The following CCNG1 variants were observed in gnomAD, a reference collection of about 807,000 sequenced individuals.
CCNG1 encodes cyclin-G1.
A neutral mutation model predicts 30.0 loss-of-function variants in CCNG1; 13 were observed. The ratio of observed to expected loss-of-function variants is 0.43; its 90% CI spans 0.28 to 0.69. The LOEUF (loss-of-function observed/expected upper bound fraction) is 0.69, where lower values mean the gene tolerates loss of function less well. CCNG1 is among the 30% of genes least tolerant of loss of function. CCNG1 has a pLI of 0.16. For synonymous variants in CCNG1, 110 were observed against 121.5 expected, an observed-to-expected ratio of 0.91 and a Z score of 0.62; for missense variants, 285 against 331.4, an observed-to-expected ratio of 0.86 and a Z score of 1.09.
At chr5:163,455,532 G>C in the CCNG1 span, among the ~76,000 whole-genome samples, 1 of 152,216 alleles carries the variant, frequency 6.6e-6, no homozygotes, top group Non-Finnish European at 1.5e-5. Context: ...GGGAGGCCAA[G>C]GCGGGCGGAT....
chr5:163,442,959 T>C (rs1291848404), intron 6 of CCNG1, among the ~76,000 whole-genome samples: 4 of 152,094 alleles, frequency 2.6e-5, no homozygotes, highest in Non-Finnish European at 1.5e-5. Context: ...TATGAACTAA[T>C]TTGAGACTGT....
At chr5:163,449,117 T>A (rs184759152), downstream of CCNG1, 6 of 151,936 alleles carry the variant, frequency 3.9e-5, no homozygotes, top group Admixed American at 3.9e-4. Context: ...CTAAAAAGAA[T>A]AAAATAAAAC....
the CCNG1 span, among the ~76,000 whole-genome samples, chr5:163,454,793 T>C: frequency 2.6e-5 from 4 of 152,232 alleles, no homozygotes; most frequent in Non-Finnish European, 4.4e-5. Flanking sequence ...CAACAAACAT[T>C]TGTTGAGCTC....
intron 2 of CCNG1, 62 bp downstream of exon 2, chr5:163,439,582 C>T: frequency 2.0e-6 from 3 of 1,464,896 alleles, no homozygotes; most frequent in Admixed American, 2.0e-5. Context: ...GAATTGTTAC[C>T]TTTTGGCTGG....
At chr5:163,449,801 C>G (rs773679196), downstream of CCNG1, 1 of 152,108 alleles carries the variant, frequency 6.6e-6, no homozygotes, top group Non-Finnish European at 1.5e-5. Flanking sequence ...AAAGACAACT[C>G]AATGGGGAAT....
chr5:163,441,551 A>G (rs796806548), intron 3 of CCNG1: 19 of 524,588 alleles, frequency 3.6e-5, no homozygotes, highest in African/African-American at 2.5e-4. Context: ...TTGACTTTAT[A>G]GAACCTAGTA....
At chr5:163,452,918 A>G in the CCNG1 span, 1 of 152,252 alleles carries the variant, frequency 6.6e-6, no homozygotes, top group Non-Finnish European at 1.5e-5. Flanking sequence ...GAAAGGCATG[A>G]TTCTGACTGG....
Position 163,444,289 on chromosome 5 carries a change from A to G in CCNG1, c.*619A>G, listed in dbSNP as rs957761278. 6.6e-6 allele frequency: 1 copy of G among 152,664 alleles called. No homozygotes were observed. Among genetic ancestry groups the G allele is most frequent in the Non-Finnish European group, 1.5e-5 (1 of 68,028 alleles). 9.5% of individuals were successfully genotyped at this position (152,664 alleles called of 1,614,324 possible). A position where few individuals can be genotyped will look rare whatever the true frequency, so the allele number is the denominator to read the frequency against. Reference sequence around the variant, plus strand: ...TTTATATAAAGAAAAATACAGACCTATAAAGTTTGGCATATTCATTAAGTT... The same window carrying G: ...TTTATATAAAGAAAAATACAGACCTGTAAAGTTTGGCATATTCATTAAGTT... On this transcript the variant is annotated 3_prime_UTR_variant, in exon 7 of 7. Coordinates refer to ENST00000340828, the MANE Select transcript of CCNG1 (RefSeq NM_004060.4).
At chr5:163,442,655 A>G in intron 6 of CCNG1, 87 bp downstream of exon 6, 1 of 1,056,918 alleles carries the variant, frequency 9.5e-7, no homozygotes, top group South Asian at 1.6e-5. Context: ...TATCTTCAAA[A>G]TAAACAAAAT....
chr5:163,456,787 T>C, the CCNG1 span: 1 of 676,058 alleles, frequency 1.5e-6, no homozygotes, highest in African/African-American at 1.8e-5. Flanking sequence ...AGAAAGGCCA[T>C]TTTTCTAACA....
At chr5:163,456,799 T>G in the CCNG1 span, 5 of 731,702 alleles carry the variant, frequency 6.8e-6, no homozygotes, top group African/African-American at 7.3e-5. Flanking sequence ...TTTCTAACAA[T>G]TCACTTTAAA....
At chr5:163,441,005 T>C (rs1484115348) in intron 2 of CCNG1, 73 bp from the exon 3 acceptor site, 2 of 1,467,832 alleles carry the variant, frequency 1.4e-6, no homozygotes, top group African/African-American at 2.8e-5. Flanking sequence ...GTCGGAGTTC[T>C]AGATTATCCT....
At chr5:163,454,420 T>G in the CCNG1 span, among the ~76,000 whole-genome samples, 1 of 152,156 alleles carries the variant, frequency 6.6e-6, no homozygotes, top group African/African-American at 2.4e-5. Context: ...CAGCTCACCA[T>G]AATCTCTGCC....
At chr5:163,439,639 T>G (rs1423305837) in intron 2 of CCNG1, 119 bp downstream of exon 2, 1 of 748,718 alleles carries the variant, frequency 1.3e-6, no homozygotes, top group Non-Finnish European at 2.2e-6. Flanking sequence ...GCCAAAACAT[T>G]AATTTTGTCT....
At chr5:163,452,486 AT>A in the CCNG1 span, 1 of 150,454 alleles carries the variant, frequency 6.6e-6, no homozygotes, top group East Asian at 1.9e-4. Flanking sequence ...TTGAGCACCA[AT>A]GTAATGATAA....
In CCNG1 at chr5:163,441,900, A is replaced by G. The variant is rs1233844255; in HGVS notation, c.533A>G (p.Asn178Ser). The G allele has an allele frequency of 5.6e-6, 9 of 1,599,942 alleles. No individual in the cohort carries two copies. The highest frequency in any genetic ancestry group is 7.7e-6 in the Non-Finnish European group (9 of 1,167,842). The change falls in exon 4 of 7, where the codon AAT becomes AGT. Residue 178 changes from asparagine (N) to serine (S), a missense_variant. Coordinates refer to ENST00000340828, the MANE Select transcript of CCNG1 (RefSeq NM_004060.4). ...TCTTTTTAAAGGAGAAATAGCATTA[A>G]TTTTGAAAGACTAGAAGCTCAACTG... ...NLPLERRNSI[N>S]FERLEAQLKA... is the part of the protein sequence containing the mutation.
At chr5:163,439,934 G>A (rs1452662720) in intron 2 of CCNG1, among the ~76,000 whole-genome samples, 1 of 151,990 alleles carries the variant, frequency 6.6e-6, no homozygotes, top group African/African-American at 2.4e-5. Context: ...AATTGTAAAT[G>A]TTTTAGCCTT....
At chr5:163,442,874 T>C (rs1757889756) in intron 6 of CCNG1, among the ~76,000 whole-genome samples, 1 of 152,186 alleles carries the variant, frequency 6.6e-6, no homozygotes, top group Non-Finnish European at 1.5e-5. Context: ...TTGCACATGA[T>C]CTTGCTGTAT....
At chr5:163,439,210 G>A in intron 1 of CCNG1, 47 bp from the exon 2 acceptor site, 1 of 1,541,490 alleles carries the variant, frequency 6.5e-7, no homozygotes. Flanking sequence ...AGGAAAGCAG[G>A]AAGGACTACT....
Sources: gnomAD v4.1 joint callset for allele counts (sites outside exome capture counted in the v4.1 genomes callset) on GRCh38, gnomAD v4.1.1 for gene constraint, MANE v1.5 for transcripts, NCBI Gene and HGNC (gene_info 2026-07-23, HGNC 2026-07-21) for gene names.